PTPRM: variants seen among roughly 807,000 people sequenced by gnomAD.
PTPRM encodes the protein protein tyrosine phosphatase receptor type M.
A neutral mutation model predicts 186.7 loss-of-function variants in PTPRM; 47 were observed. That is an observed-to-expected ratio of 0.25 (90% confidence interval 0.20 to 0.32). The LOEUF (loss-of-function observed/expected upper bound fraction) is 0.32, where lower values mean the gene tolerates loss of function less well. Among genes scored for constraint, PTPRM ranks in the 10% least tolerant of loss-of-function variants. PTPRM has a pLI of 1.00. For missense variants in PTPRM, 1,494 were observed against 1,865.0 expected, an observed-to-expected ratio of 0.80 and a Z score of 3.66; for synonymous variants, 668 against 674.9, an observed-to-expected ratio of 0.99 and a Z score of 0.16.
At chr18:8,382,963 C>T (rs980730375) in intron 29 of PTPRM, among the ~76,000 whole-genome samples, 7 of 152,150 alleles carry the variant, frequency 4.6e-5, no homozygotes, top group African/African-American at 1.7e-4. Flanking sequence ...TCTCCCCTTG[C>T]CTTTCCATAG....
chr18:7,893,004 C>G (rs2049160911), intron 3 of PTPRM, among the ~76,000 whole-genome samples: 1 of 152,156 alleles, frequency 6.6e-6, no homozygotes. Flanking sequence ...CACAAACATT[C>G]AGTTCATAGC....
At chr18:7,948,728 T>C (rs1407721905) in intron 5 of PTPRM, among the ~76,000 whole-genome samples, 1 of 152,190 alleles carries the variant, frequency 6.6e-6, no homozygotes, top group Admixed American at 6.5e-5. Context: ...ACCTAACTTA[T>C]AGTTGAATGT....
chr18:8,188,318 C>A (rs538447543), intron 14 of PTPRM, among the ~76,000 whole-genome samples: 2 of 152,228 alleles, frequency 1.3e-5, no homozygotes, highest in Admixed American at 1.3e-4. Context: ...TTTAGTCCTT[C>A]CCTGTGGCAG....
chr18:8,050,938 C>G (rs1328710528), intron 7 of PTPRM, among the ~76,000 whole-genome samples: 2 of 152,096 alleles, frequency 1.3e-5, no homozygotes, highest in Non-Finnish European at 2.9e-5. Flanking sequence ...GGAGGGGGAG[C>G]AACAACTGTA....
intron 1 of PTPRM, among the ~76,000 whole-genome samples, chr18:7,772,078 G>A (rs1341158874): frequency 3.9e-5 from 6 of 152,188 alleles, no homozygotes; most frequent in South Asian, 2.1e-4. Context: ...GCAGTAGCCC[G>A]TTGAATTCTA....
intron 7 of PTPRM, among the ~76,000 whole-genome samples, chr18:8,053,836 G>A (rs542010364): frequency 6.6e-6 from 1 of 152,106 alleles, no homozygotes; most frequent in East Asian, 1.9e-4. Context: ...TGAGGTTTTG[G>A]ATTTTTATCT....
At chr18:8,049,071 T>G (rs2087276707) in intron 7 of PTPRM, among the ~76,000 whole-genome samples, 1 of 152,200 alleles carries the variant, frequency 6.6e-6, no homozygotes, top group African/African-American at 2.4e-5. Context: ...TCATTTTGCC[T>G]CCTCCTGTTT....
chr18:7,833,438 G>C (rs1259789506), intron 2 of PTPRM, among the ~76,000 whole-genome samples: 4 of 152,056 alleles, frequency 2.6e-5, no homozygotes, highest in African/African-American at 9.7e-5. Context: ...GTATAGGAAT[G>C]CATATTGATT....
chr18:8,059,146 G>C (rs1184702706), intron 7 of PTPRM, among the ~76,000 whole-genome samples: 1 of 151,490 alleles, frequency 6.6e-6, no homozygotes, highest in Non-Finnish European at 1.5e-5. Context: ...GCGGTTTGCA[G>C]TTCTCCTTGA....
intron 31 of PTPRM, among the ~76,000 whole-genome samples, chr18:8,390,779 T>A (rs2095806114): frequency 1.3e-5 from 2 of 151,652 alleles, no homozygotes; most frequent in African/African-American, 4.8e-5. Flanking sequence ...CTACAAAAAA[T>A]TAGCCGGGCG....
intron 1 of PTPRM, among the ~76,000 whole-genome samples, chr18:7,703,632 A>G (rs1240361789): frequency 6.6e-6 from 1 of 152,148 alleles, no homozygotes; most frequent in Non-Finnish European, 1.5e-5. Flanking sequence ...AGACAATTTG[A>G]CTTCCTCTCT....
rs1326892578 is a variant in PTPRM, at chr18:8,126,014, TA to T, written c.2167+11188del. On this transcript the variant is annotated intron_variant, in intron 13 of 32. Coordinates refer to ENST00000580170, the MANE Select transcript of PTPRM (RefSeq NM_001105244.2). ...ATATATATATATATATATATATATA[TA>T]TATATATATATATTTTAAATCAGTA... Among the ~76,000 whole-genome samples the T allele has an allele frequency of 5.9e-3, 146 of 24,600 alleles. 4 individuals are homozygous for T. Among genetic ancestry groups the T allele is most frequent in the Admixed American group, 0.011 (15 of 1,410 alleles). The allele number at this position is 24,600 out of a possible 152,430, so 16.1% of individuals were successfully genotyped here.
At chr18:8,092,371 A>G (rs942290912) in intron 11 of PTPRM, among the ~76,000 whole-genome samples, 25 of 152,194 alleles carry the variant, frequency 1.6e-4, no homozygotes, top group Non-Finnish European at 3.2e-4. Context: ...AAGTTTTTTC[A>G]TTAATAAGAT....
chr18:8,357,765 CTG>C (rs752889715), intron 23 of PTPRM, among the ~76,000 whole-genome samples: 109 of 152,260 alleles, frequency 7.2e-4, no homozygotes, highest in Admixed American at 2.3e-3. Flanking sequence ...TAAAGGTAAA[CTG>C]TGGTTTAAAG....
rs1265152139 is a variant in PTPRM, at chr18:8,379,347, G to A, written c.3786+7G>A. Reference sequence around the variant, plus strand: ...CAATGCTGCCCTCATGGACGTGAGTGCCCCGCTTCCCGCACGGGTCCGAGG... The same window carrying A: ...CAATGCTGCCCTCATGGACGTGAGTACCCCGCTTCCCGCACGGGTCCGAGG... On this transcript the variant is annotated splice_region_variant and intron_variant, in intron 28 of 32. Transcript: ENST00000580170. The A allele has an allele frequency of 6.2e-7, 1 of 1,602,398 alleles. No individual in the cohort carries two copies. The highest frequency in any genetic ancestry group is 8.5e-7 in the Non-Finnish European group (1 of 1,174,788).
At chr18:8,259,285 CACAA>C (rs2094604189) in intron 19 of PTPRM, among the ~76,000 whole-genome samples, 1 of 152,136 alleles carries the variant, frequency 6.6e-6, no homozygotes, top group Non-Finnish European at 1.5e-5. Flanking sequence ...CTCTCCTGGG[CACAA>C]ACACTGTTAA....
In PTPRM at chr18:7,852,616, C is replaced by T. The variant is rs189801756; in HGVS notation, c.197-35490C>T. Among the ~76,000 whole-genome samples, 496 of 151,924 alleles carry T rather than the reference C, an allele frequency of 3.3e-3. 1 individual carries two copies. The highest frequency in any genetic ancestry group is 0.011 in the African/African-American group (455 of 41,378). On this transcript the variant is annotated intron_variant, in intron 2 of 32. Transcript: ENST00000580170. ...GGCAGGAGAATGTGAACCTGGGAGA[C>T]GGAGCTTGCAGTGAGCCAAGATCGT...
intron 1 of PTPRM, among the ~76,000 whole-genome samples, chr18:7,669,889 ATTTTTCTTTTTCTT>A (rs1390672730): frequency 6.6e-6 from 1 of 151,846 alleles, no homozygotes; most frequent in Non-Finnish European, 1.5e-5. Context: ...AGCCCGGCTA[ATTTTTCTTTTTCTT>A]TTTTTCTTTT....
chr18:7,886,777 CA>C lies in PTPRM; in HGVS notation c.197-1327del, dbSNP rs756379205. ...GCTCACCTCATAGCTGTAAAGGTAG[CA>C]ACCATAAGAAAGCATATGATAATAT... On this transcript the variant is annotated intron_variant, in intron 2 of 32. Transcript: ENST00000580170. Among the ~76,000 whole-genome samples, 7 of 152,274 alleles carry C rather than the reference CA, an allele frequency of 4.6e-5. No homozygotes were observed. The East Asian group carries it at 7.7e-4, about 17-fold the overall frequency.
Sources: allele counts gnomAD v4.1 joint callset (sites outside exome capture counted in the v4.1 genomes callset), GRCh38; gene constraint gnomAD v4.1.1; transcripts MANE v1.5; gene names NCBI Gene and HGNC (gene_info 2026-07-23, HGNC 2026-07-21).